Variants in NR3C2 observed in about 807,000 individuals in gnomAD.
The protein encoded by NR3C2 is mineralocorticoid receptor.
NR3C2 carries 15 observed loss-of-function variants against 86.4 expected under a neutral mutation model. The observed-to-expected ratio is 0.17, with a 90% CI of 0.12 to 0.27. The LOEUF (loss-of-function observed/expected upper bound fraction) is 0.27, where lower values mean the gene tolerates loss of function less well. Among genes scored for constraint, NR3C2 ranks in the 10% least tolerant of loss-of-function variants. NR3C2 has a pLI of 1.00. For synonymous variants in NR3C2, 458 were observed against 450.5 expected (o/e 1.02, Z -0.21); for missense variants, 960 against 1,195.6 (o/e 0.80, Z 2.91).
intron 2 of NR3C2, among the ~76,000 whole-genome samples, chr4:148,305,896 G>A (rs571608319): frequency 4.6e-4 from 70 of 152,240 alleles, no homozygotes; most frequent in African/African-American, 1.5e-3. Context: ...TTTACTGTAC[G>A]TGTCAAATAA....
intron 2 of NR3C2, among the ~76,000 whole-genome samples, chr4:148,375,540 C>G (rs1404151150): frequency 1.3e-5 from 2 of 151,198 alleles, no homozygotes; most frequent in Non-Finnish European, 2.9e-5. Context: ...ATATATTTGA[C>G]AAGATGGTAT....
In NR3C2 at chr4:148,436,381, G is replaced by C. The variant is rs1750073286; in HGVS notation, c.480C>G (p.Pro160=). ...CAGAGTCAGACATAAATGATCTCAA[G>C]GGCGTGTTCACACAACTTAGAGTGG... is the stretch of plus-strand genomic sequence containing the variant. ...RPSTLSCVNT[P]LRSFMSDSGS... Residue 160 remains proline, a synonymous_variant, in exon 2 of 9, where the codon CCC becomes CCG. Transcript: ENST00000358102. 3 of 1,614,192 alleles carry C rather than the reference G, an allele frequency of 1.9e-6. No individual in the cohort carries two copies. Among genetic ancestry groups the C allele is most frequent in the African/African-American group, 1.3e-5 (1 of 75,054 alleles).
In NR3C2 at chr4:148,269,398, A is replaced by G. The variant is rs181673257; in HGVS notation, c.1758-9281T>C. On this transcript the variant is annotated intron_variant, in intron 2 of 8. Transcript: ENST00000358102. ...GCATATATGCACATGTATAAGATGC[A>G]TATGTAAACTATATTAAAGTAAAAA... 1.4e-4 allele frequency among the ~76,000 whole-genome samples: 22 copies of G among 152,322 alleles called. No individual in the cohort carries two copies. The East Asian group carries it at 3.3e-3, about 23-fold the overall frequency.
intron 3 of NR3C2, among the ~76,000 whole-genome samples, chr4:148,252,343 T>C (rs1334032913): frequency 1.3e-5 from 2 of 152,186 alleles, no homozygotes; most frequent in Non-Finnish European, 2.9e-5. Flanking sequence ...TCCAAACTCA[T>C]GAAACTTTGG....
chr4:148,256,407 G>A (rs1168093967), intron 3 of NR3C2, among the ~76,000 whole-genome samples: 1 of 152,142 alleles, frequency 6.6e-6, no homozygotes, highest in African/African-American at 2.4e-5. Context: ...TTTGGCATTT[G>A]TTCATAGAGG....
At chr4:148,400,104 T>G (rs2126527080) in intron 2 of NR3C2, among the ~76,000 whole-genome samples, 1 of 152,376 alleles carries the variant, frequency 6.6e-6, no homozygotes, top group African/African-American at 2.4e-5. Flanking sequence ...TGTCAGAAAC[T>G]GACGCTTTTT....
At chr4:148,376,737 T>C (rs1746699944) in intron 2 of NR3C2, among the ~76,000 whole-genome samples, 1 of 152,180 alleles carries the variant, frequency 6.6e-6, no homozygotes, top group Non-Finnish European at 1.5e-5. Context: ...GTTGGTAAGA[T>C]TTAATACATA....
chr4:148,132,996 C>T (rs1032151411), intron 6 of NR3C2, among the ~76,000 whole-genome samples: 1 of 152,010 alleles, frequency 6.6e-6, no homozygotes, highest in African/African-American at 2.4e-5. Context: ...TCCAGGGGTT[C>T]AAGATCAGCC....
At chr4:148,248,910 T>C (rs1470375982) in intron 3 of NR3C2, among the ~76,000 whole-genome samples, 1 of 152,206 alleles carries the variant, frequency 6.6e-6, no homozygotes, top group Non-Finnish European at 1.5e-5. Context: ...TTTAAACGTA[T>C]GTGTGTTAAT....
chr4:148,189,724 T>C (rs1041380249), intron 4 of NR3C2, among the ~76,000 whole-genome samples: 2 of 152,218 alleles, frequency 1.3e-5, no homozygotes, highest in Non-Finnish European at 2.9e-5. Context: ...CTGCTTGTTA[T>C]TGGTCTGCTC....
chr4:148,188,927 G>GT (rs770094656), intron 4 of NR3C2, among the ~76,000 whole-genome samples: 2,143 of 127,270 alleles, frequency 0.017, 51 homozygotes, highest in African/African-American at 0.019. Context: ...ATTTTGCTGA[G>GT]TTTTTTTTTT....
chr4:148,142,414 T>C (rs1733656355), intron 6 of NR3C2, among the ~76,000 whole-genome samples: 1 of 152,124 alleles, frequency 6.6e-6, no homozygotes, highest in Non-Finnish European at 1.5e-5. Flanking sequence ...GTGTCCCCTC[T>C]AAGTCTCATG....
chr4:148,091,067 G>T (rs1731038056), intron 8 of NR3C2, among the ~76,000 whole-genome samples: 1 of 152,260 alleles, frequency 6.6e-6, no homozygotes, highest in African/African-American at 2.4e-5. Flanking sequence ...CCACAGGGCT[G>T]GGTGTGCAGA....
intron 8 of NR3C2, 89 bp from the exon 9 acceptor site, chr4:148,081,588 G>A: frequency 1.9e-6 from 3 of 1,579,570 alleles, no homozygotes; most frequent in Non-Finnish European, 2.6e-6. Context: ...GAACTCAAAT[G>A]ACAACATTTA....
At chr4:148,273,099 T>C (rs1740772555) in intron 2 of NR3C2, among the ~76,000 whole-genome samples, 1 of 152,238 alleles carries the variant, frequency 6.6e-6, no homozygotes. Context: ...TGAGTGAGCC[T>C]GGCCTTTCTC....
At chr4:148,437,060 C>T (rs61760014) in intron 1 of NR3C2, among the ~76,000 whole-genome samples, 198 bp from the exon 2 acceptor site, 57 of 152,262 alleles carry the variant, frequency 3.7e-4, no homozygotes, top group Non-Finnish European at 7.1e-4. Flanking sequence ...GATGTCAGAA[C>T]AAGAGAAGCG....
intron 2 of NR3C2, among the ~76,000 whole-genome samples, chr4:148,409,860 T>C (rs1394455933): frequency 6.6e-6 from 1 of 152,110 alleles, no homozygotes; most frequent in East Asian, 1.9e-4. Flanking sequence ...CTTAGGAATG[T>C]AAGGAAAATA....
chr4:148,254,077 T>C (rs887983986), intron 3 of NR3C2, among the ~76,000 whole-genome samples: 1 of 152,128 alleles, frequency 6.6e-6, no homozygotes, highest in African/African-American at 2.4e-5. Context: ...ATGGTCTTAC[T>C]ATCTGCCCGC....
At chr4:148,373,315 T>C (rs926445825) in intron 2 of NR3C2, among the ~76,000 whole-genome samples, 2 of 152,106 alleles carry the variant, frequency 1.3e-5, no homozygotes, top group African/African-American at 2.4e-5. Context: ...TTGAAATCCA[T>C]TGTTCCATCT....
Sources: allele counts gnomAD v4.1 joint callset (sites outside exome capture counted in the v4.1 genomes callset), GRCh38; gene constraint gnomAD v4.1.1; transcripts MANE v1.5; gene names NCBI Gene and HGNC (gene_info 2026-07-23, HGNC 2026-07-21).